STARD3NL: variants seen among roughly 807,000 people sequenced by gnomAD.
STARD3NL encodes STARD3 N-terminal like.
Under a neutral mutation model 30.9 loss-of-function variants are expected in STARD3NL, and 17 were observed. That is an observed-to-expected ratio of 0.55 (90% CI 0.38 to 0.82). The LOEUF (loss-of-function observed/expected upper bound fraction) is 0.82. Among genes scored for constraint, STARD3NL ranks in the 40% least tolerant of loss-of-function variants. The pLI, the probability that STARD3NL is intolerant of heterozygous loss-of-function variation, is 0.00. For synonymous variants in STARD3NL, 112 were observed against 100.5 expected, an observed-to-expected ratio of 1.11 and a Z score of -0.69; for missense variants, 234 against 277.6, an observed-to-expected ratio of 0.84 and a Z score of 1.12.
intron 7 of STARD3NL, among the ~76,000 whole-genome samples, chr7:38,222,147 A>G (rs1224831297): frequency 2.7e-5 from 1 of 37,674 alleles, no homozygotes; most frequent in Non-Finnish European, 5.3e-5. Context: ...ATTTTCACAC[A>G]CACACACACA....
chr7:38,179,391 T>G (rs1276598241), intron 1 of STARD3NL, among the ~76,000 whole-genome samples: 4 of 152,218 alleles, frequency 2.6e-5, no homozygotes, highest in Non-Finnish European at 5.9e-5. Flanking sequence ...CGTGTAGAAG[T>G]CACTGTCTTT....
At chr7:38,220,394 A>G (rs1188880258) in intron 7 of STARD3NL, among the ~76,000 whole-genome samples, 2 of 152,246 alleles carry the variant, frequency 1.3e-5, no homozygotes, top group African/African-American at 4.8e-5. Context: ...ATCACTAATC[A>G]TTAGGAAAAT....
At chr7:38,197,200 C>CTTTT (rs758941867) in intron 1 of STARD3NL, among the ~76,000 whole-genome samples, 1 of 131,278 alleles carries the variant, frequency 7.6e-6, no homozygotes, top group Non-Finnish European at 1.7e-5. Flanking sequence ...TTCTTTTTCT[C>CTTTT]TCTCTCTCTT....
intron 1 of STARD3NL, among the ~76,000 whole-genome samples, chr7:38,191,137 A>G (rs1784670456): frequency 6.6e-6 from 1 of 152,216 alleles, no homozygotes; most frequent in South Asian, 2.1e-4. Context: ...AATAATTGCC[A>G]GCATCCATAA....
At chr7:38,194,610 AT>A (rs1008194458) in intron 1 of STARD3NL, among the ~76,000 whole-genome samples, 1 of 151,908 alleles carries the variant, frequency 6.6e-6, no homozygotes, top group Non-Finnish European at 1.5e-5. Flanking sequence ...TTTTACTGTC[AT>A]TTTTTTCCAA....
At chr7:38,199,161 A>G (rs1395242712) in intron 1 of STARD3NL, among the ~76,000 whole-genome samples, 2 of 152,214 alleles carry the variant, frequency 1.3e-5, no homozygotes, top group African/African-American at 4.8e-5. Flanking sequence ...CACAGTTGGG[A>G]TAAATTCTGA....
intron 1 of STARD3NL, among the ~76,000 whole-genome samples, chr7:38,203,561 C>T (rs1034807857): frequency 2.0e-5 from 3 of 152,202 alleles, no homozygotes; most frequent in African/African-American, 7.2e-5. Context: ...TAGAAAGAAA[C>T]TGCATCAACT....
intron 1 of STARD3NL, among the ~76,000 whole-genome samples, chr7:38,187,120 C>G (rs1439713695): frequency 1.3e-5 from 2 of 152,140 alleles, no homozygotes; most frequent in Non-Finnish European, 2.9e-5. Flanking sequence ...AGACCCAGCT[C>G]CAACATGCCA....
At chr7:38,203,274 C>G (rs971460046) in intron 1 of STARD3NL, among the ~76,000 whole-genome samples, 25 of 152,298 alleles carry the variant, frequency 1.6e-4, no homozygotes, top group African/African-American at 5.5e-4. Flanking sequence ...ATCAGACTAA[C>G]AGCTGATCTC....
At chr7:38,220,604 A>G (rs147637056) in intron 7 of STARD3NL, among the ~76,000 whole-genome samples, 217 of 152,242 alleles carry the variant, frequency 1.4e-3, no homozygotes, top group African/African-American at 5.1e-3. Flanking sequence ...GATTAAACAT[A>G]GAGTTACCAT....
At chr7:38,178,443 C>A (rs1244248016) in intron 1 of STARD3NL, 23 bp downstream of exon 1, 2 of 152,286 alleles carry the variant, frequency 1.3e-5, no homozygotes, top group South Asian at 2.1e-4. Flanking sequence ...TCTCGTTCCC[C>A]TATTTGACAG....
rs116884132 is a variant in STARD3NL, at chr7:38,213,454, A to G, written c.226-903A>G. Reference sequence around the variant, plus strand: ...ACCTAAGCTAGGAATACCCTTCCCTATGGCAACTTTCATTCGAATTTGAAC... The same window carrying G: ...ACCTAAGCTAGGAATACCCTTCCCTGTGGCAACTTTCATTCGAATTTGAAC... On this transcript the variant is annotated intron_variant, in intron 2 of 8. Coordinates refer to ENST00000009041, the MANE Select transcript of STARD3NL (RefSeq NM_032016.4). 1.7e-4 allele frequency among the ~76,000 whole-genome samples: 26 copies of G among 152,328 alleles called. No homozygotes were observed. The East Asian group carries it at 4.8e-3, about 28-fold the overall frequency.
At chr7:38,184,385 C>G (rs1784368978) in intron 1 of STARD3NL, among the ~76,000 whole-genome samples, 1 of 151,854 alleles carries the variant, frequency 6.6e-6, no homozygotes, top group African/African-American at 2.4e-5. Context: ...GTTTAATTGG[C>G]TCACAGTTCT....
intron 7 of STARD3NL, among the ~76,000 whole-genome samples, chr7:38,227,999 G>A (rs932171392): frequency 1.8e-4 from 28 of 151,816 alleles, no homozygotes; most frequent in African/African-American, 3.6e-4. Flanking sequence ...ACTCTTTCTC[G>A]TTTGCACACA....
At chr7:38,222,141 T>TCACACACA (rs3223376) in intron 7 of STARD3NL, among the ~76,000 whole-genome samples, 5,617 of 144,172 alleles carry the variant, frequency 0.039, 123 homozygotes, top group East Asian at 0.064. Context: ...GTTAATATTT[T>TCACACACA]CACACACACA....
chr7:38,227,525 A>G (rs1786839547), intron 7 of STARD3NL, among the ~76,000 whole-genome samples: 1 of 152,188 alleles, frequency 6.6e-6, no homozygotes, highest in African/African-American at 2.4e-5. Context: ...TCAGGTAGAC[A>G]TTCTCCTTAG....
At chr7:38,202,541 A>G (rs1314594696) in intron 1 of STARD3NL, among the ~76,000 whole-genome samples, 1 of 151,892 alleles carries the variant, frequency 6.6e-6, no homozygotes, top group African/African-American at 2.4e-5. Flanking sequence ...AATATCTGAT[A>G]TATTTCTTTT....
At chr7:38,207,870 T>C (rs1476982496) in intron 2 of STARD3NL, 141 bp downstream of exon 2, 1 of 771,880 alleles carries the variant, frequency 1.3e-6, no homozygotes, top group Non-Finnish European at 2.0e-6. Context: ...CTCCTCCTGA[T>C]TTGGACCTTT....
At chr7:38,226,587 T>C (rs1400543389) in intron 7 of STARD3NL, among the ~76,000 whole-genome samples, 2 of 152,250 alleles carry the variant, frequency 1.3e-5, no homozygotes, top group African/African-American at 4.8e-5. Flanking sequence ...TGCTAAGTCC[T>C]TTCCTGCTCT....
Sources: gnomAD v4.1 joint callset for allele counts (sites outside exome capture counted in the v4.1 genomes callset) on GRCh38, gnomAD v4.1.1 for gene constraint, MANE v1.5 for transcripts, NCBI Gene and HGNC (gene_info 2026-07-23, HGNC 2026-07-21) for gene names.